Variants in ITFG2 observed in about 807,000 individuals in gnomAD.
ITFG2 encodes the protein integrin alpha FG-GAP repeat containing 2, also known as KICSTOR complex protein ITFG2.
A neutral mutation model predicts 54.4 loss-of-function variants in ITFG2; 36 were observed. The ratio of observed to expected loss-of-function variants is 0.66; its 90% CI spans 0.51 to 0.87. The LOEUF (loss-of-function observed/expected upper bound fraction) is 0.87, where lower values mean the gene tolerates loss of function less well. Among genes scored for constraint, ITFG2 ranks in the 40% least tolerant of loss-of-function variants. The pLI is 0.00. For missense variants in ITFG2, 524 were observed against 576.7 expected (o/e 0.91, Z 0.94); for synonymous variants, 211 against 225.4 (o/e 0.94, Z 0.57).
chr12:2,852,087 C>T (rs1396688139), intron 2 of ITFG2, among the ~76,000 whole-genome samples: 1 of 152,152 alleles, frequency 6.6e-6, no homozygotes, highest in African/African-American at 2.4e-5. Context: ...TATGGGACCG[C>T]TGTGGTATAT....
At chr12:2,815,578 T>C (rs1444213841) in intron 1 of ITFG2, among the ~76,000 whole-genome samples, 2 of 152,262 alleles carry the variant, frequency 1.3e-5, no homozygotes, top group Non-Finnish European at 2.9e-5. Context: ...AGAGTTCACA[T>C]TGTCTTTTTA....
At chr12:2,853,635 C>A (rs1603491998) in intron 2 of ITFG2, among the ~76,000 whole-genome samples, 1 of 149,846 alleles carries the variant, frequency 6.7e-6, no homozygotes, top group African/African-American at 2.5e-5. Context: ...GATTAAAAAT[C>A]TTCACAGCCA....
rs753399484 is a variant in ITFG2 at position 2,824,213 on chromosome 12, G to T, written c.*20G>T. 1 of 1,609,926 alleles carries T rather than the reference G, an allele frequency of 6.2e-7. No homozygotes were observed. The highest frequency in any genetic ancestry group is 8.5e-7 in the Non-Finnish European group (1 of 1,176,244). On this transcript the variant is annotated 3_prime_UTR_variant, in exon 12 of 12. Transcript: ENST00000228799. ...ACCTAGCTGTACTTGCCTCATAGCT[G>T]GTGAAGGATTCTTCTGAACCCCCAC...
Position 2,818,362 on chromosome 12 carries a change from GA to G in ITFG2, c.406+86del, listed in dbSNP as rs372664294. 423 of 1,576,558 alleles carry G rather than the reference GA, an allele frequency of 2.7e-4. 1 individual carries two copies. In the African/African-American group the frequency reaches 4.3e-3, roughly 16 times the overall value. On this transcript the variant is annotated intron_variant, in intron 4 of 11. Transcript: ENST00000228799. ...TATCCCAAGGGATTGGGGTGAGAGG[GA>G]GAATCCGTATTCATGTATGCATTTG... is the stretch of plus-strand genomic sequence containing the variant.
intron 3 of ITFG2, chr12:2,858,767 G>C: frequency 1.9e-6 from 3 of 1,614,224 alleles, no homozygotes; most frequent in Non-Finnish European, 2.5e-6. Flanking sequence ...CCAGGACCAG[G>C]CCTTCTGTCA....
chr12:2,847,420 C>T (rs1565445504), intron 2 of ITFG2, among the ~76,000 whole-genome samples: 1 of 152,132 alleles, frequency 6.6e-6, no homozygotes, highest in South Asian at 2.1e-4. Context: ...GTAATTCCAG[C>T]ACTTTGGGAG....
intron 2 of ITFG2, chr12:2,849,463 G>C: frequency 6.5e-7 from 1 of 1,536,174 alleles, no homozygotes; most frequent in Non-Finnish European, 8.7e-7. Context: ...ATTGGGAAAC[G>C]GGTTGGGCAT....
In ITFG2 at chr12:2,822,955, A is replaced by C. The variant is rs768312765; in HGVS notation, c.1066+44A>C. ...GCCCCTTTCTAACCACACTTAAGTTAGATAGGCGTGTTAGGCATGCCAGGG... is the reference window on the plus strand; with the variant it reads ...GCCCCTTTCTAACCACACTTAAGTTCGATAGGCGTGTTAGGCATGCCAGGG... On this transcript the variant is annotated intron_variant, in intron 10 of 11. Transcript: ENST00000228799. 4.1e-6 allele frequency: 6 copies of C among 1,455,814 alleles called. No homozygotes were observed. The South Asian group carries it at 6.8e-5, about 17-fold the overall frequency. The allele number at this position is 1,455,814 out of a possible 1,614,324, so 90.2% of individuals were successfully genotyped here. A position where few individuals can be genotyped will look rare whatever the true frequency, so the allele number is the denominator to read the frequency against.
At chr12:2,854,418 C>T (rs919889965) in intron 2 of ITFG2, among the ~76,000 whole-genome samples, 10 of 152,214 alleles carry the variant, frequency 6.6e-5, no homozygotes, top group Non-Finnish European at 1.0e-4. Context: ...CCCCCTTCAT[C>T]GGTGAGGGAG....
downstream of ITFG2, chr12:2,827,847 G>GT: frequency 6.2e-7 from 1 of 1,608,694 alleles, no homozygotes; most frequent in Non-Finnish European, 8.5e-7. The surrounding 1 kb of genome is among the most constrained non-coding windows in gnomAD (Gnocchi z 4.0). Context: ...GCTGCAGGGA[G>GT]TGAAAGTCTC....
chr12:2,842,382 A>C (rs1248035828), intron 2 of ITFG2, among the ~76,000 whole-genome samples: 1 of 151,398 alleles, frequency 6.6e-6, no homozygotes, highest in East Asian at 2.0e-4. Flanking sequence ...CGGCCTCCCA[A>C]AGTGCTGGGA....
rs775398816 is a variant in ITFG2 at position 2,858,856 on chromosome 12, A to G, written n.620+525A>G. On this transcript the variant is annotated intron_variant and non_coding_transcript_variant, in intron 3 of 3. Transcript: ENST00000537710. Reference sequence around the variant, plus strand: ...GGGACGTCTATATCTGAGGGAGAAGAGTTGCCAAAGGGGACGGAGATGAGG... The same window carrying G: ...GGGACGTCTATATCTGAGGGAGAAGGGTTGCCAAAGGGGACGGAGATGAGG... The G allele has an allele frequency of 9.3e-6, 15 of 1,614,112 alleles. No individual in the cohort carries two copies. In the Admixed American group the frequency reaches 2.3e-4, roughly 25 times the overall value.
chr12:2,828,325 T>C (rs2097980499), downstream of ITFG2: 1 of 1,613,838 alleles, frequency 6.2e-7, no homozygotes, highest in Non-Finnish European at 8.5e-7. Context: ...TTGGGCCACA[T>C]TCTTACCCCA....
intron 1 of ITFG2, 90 bp from the exon 2 acceptor site, chr12:2,817,133 G>A (rs764526917): frequency 1.3e-5 from 10 of 769,390 alleles, no homozygotes; most frequent in Non-Finnish European, 1.8e-5. Context: ...TTGAGGTCTT[G>A]TGATTACCCT....
At position 2,820,875 on chromosome 12, in the gene ITFG2, A is replaced by G; in HGVS notation, c.695+3A>G. The G allele has an allele frequency of 6.2e-7, 1 of 1,613,806 alleles. No homozygotes were observed. The highest frequency in any genetic ancestry group is 8.5e-7 in the Non-Finnish European group (1 of 1,179,810). ...GAAGGGCCCACGGATGGTAGTAGGT[A>G]AGGGGGTACAGGCCAGTGGATGGTG... On this transcript the variant is annotated splice_donor_region_variant and intron_variant, in intron 6 of 11. Transcript: ENST00000228799.
rs150335236 is a variant in ITFG2, at chr12:2,850,653, T to TTTTTGTTTTGTTTTG, written n.301-7336_301-7322dup. ...CTCACTGACTGATCCAGAGTCTTTG[T>TTTTTGTTTTGTTTTG]TTTTGTTTTGTTTTGTTTTGTTTTG... On this transcript the variant is annotated intron_variant and non_coding_transcript_variant, in intron 2 of 3. Coordinates refer to the ITFG2 transcript ENST00000537710. Among the ~76,000 whole-genome samples, 58 of 97,702 alleles carry TTTTTGTTTTGTTTTG rather than the reference T, an allele frequency of 5.9e-4. 1 individual carries two copies. Among genetic ancestry groups the TTTTTGTTTTGTTTTG allele is most frequent in the African/African-American group, 3.2e-3 (54 of 16,724 alleles). 64.1% of individuals were successfully genotyped at this position (97,702 alleles called of 152,430 possible).
Position 2,849,027 on chromosome 12 carries a change from G to A in ITFG2, n.300+8032G>A, listed in dbSNP as rs2153928051. On this transcript the variant is annotated intron_variant and non_coding_transcript_variant, in intron 2 of 3. Transcript: ENST00000537710. ...CCTTCGATGAGAGTCCTCCAAGGAA[G>A]AAATATAACAATTTAGAATTTCAGT... 6 of 609,218 alleles carry A rather than the reference G, an allele frequency of 9.8e-6. No homozygotes were observed. The South Asian group carries it at 1.3e-4, about 13-fold the overall frequency. 37.7% of individuals were successfully genotyped at this position (609,218 alleles called of 1,614,324 possible). A position where few individuals can be genotyped will look rare whatever the true frequency, so the allele number is the denominator to read the frequency against.
intron 2 of ITFG2, chr12:2,849,243 A>G: frequency 2.6e-6 from 4 of 1,535,864 alleles, no homozygotes; most frequent in Non-Finnish European, 2.6e-6. Context: ...AGAAGTGTCC[A>G]GGTCTTCTCT....
chr12:2,817,832 G>A lies in ITFG2; in HGVS notation c.193-77G>A, dbSNP rs367602035. On this transcript the variant is annotated intron_variant, in intron 2 of 11. Transcript: ENST00000228799. ...GCGATGGTGATTAGAAAACCTGCCCGCTCCTCCTGCTTCACAGAGATCAGG... is the reference window on the plus strand; with the variant it reads ...GCGATGGTGATTAGAAAACCTGCCCACTCCTCCTGCTTCACAGAGATCAGG... 1.9e-4 allele frequency: 274 copies of A among 1,418,186 alleles called. 1 individual carries two copies. Among genetic ancestry groups the A allele is most frequent in the Non-Finnish European group, 2.5e-4 (264 of 1,036,216 alleles). The allele number at this position is 1,418,186 out of a possible 1,614,324, so 87.9% of individuals were successfully genotyped here.
Sources: allele counts gnomAD v4.1 joint callset (sites outside exome capture counted in the v4.1 genomes callset), GRCh38; gene constraint gnomAD v4.1.1; non-coding constraint Gnocchi (gnomAD v3.1); transcripts MANE v1.5; gene names NCBI Gene and HGNC (gene_info 2026-07-23, HGNC 2026-07-21).